FHIT: variants seen among roughly 807,000 people sequenced by gnomAD.
FHIT encodes bis(5'-adenosyl)-triphosphatase.
Under a neutral mutation model 17.9 loss-of-function variants are expected in FHIT, and 19 were observed. That is an observed-to-expected ratio of 1.06 (90% CI 0.74 to 1.56). The LOEUF (loss-of-function observed/expected upper bound fraction) is 1.56, where lower values mean the gene tolerates loss of function less well. Ranked by LOEUF, FHIT falls within the 40% of genes most tolerant of loss-of-function variation. The pLI is 0.00. For missense variants in FHIT, 248 were observed against 189.2 expected, an observed-to-expected ratio of 1.31 and a Z score of -1.82; for synonymous variants, 81 against 69.7, an observed-to-expected ratio of 1.16 and a Z score of -0.81.
chr3:60,642,450 C>T (rs1365437862), intron 4 of FHIT, among the ~76,000 whole-genome samples: 1 of 152,128 alleles, frequency 6.6e-6, no homozygotes, highest in Non-Finnish European at 1.5e-5. Context: ...GGCCCAAAGA[C>T]AATGAATGAT....
At chr3:60,214,059 G>A (rs985806098) in intron 5 of FHIT, among the ~76,000 whole-genome samples, 6 of 152,114 alleles carry the variant, frequency 3.9e-5, no homozygotes, top group East Asian at 3.9e-4. Flanking sequence ...GAGGGTGGTC[G>A]TGACTAGCGC....
chr3:60,681,973 ATT>A (rs34153115), intron 4 of FHIT, among the ~76,000 whole-genome samples: 7 of 145,120 alleles, frequency 4.8e-5, no homozygotes, highest in East Asian at 2.0e-4. Context: ...TAAACAGCAG[ATT>A]TTTTTTTTTT....
intron 3 of FHIT, among the ~76,000 whole-genome samples, chr3:60,914,270 A>C (rs2107284304): frequency 6.6e-6 from 1 of 152,328 alleles, no homozygotes; most frequent in Admixed American, 6.5e-5. Context: ...CAATTGGTAA[A>C]ATAAGGAATA....
intron 5 of FHIT, chr3:60,536,137 A>G (rs1354204159): frequency 6.6e-6 from 1 of 152,162 alleles, no homozygotes; most frequent in African/African-American, 2.4e-5. Context: ...ACTTTTAACA[A>G]CATAAAGATA....
intron 8 of FHIT, among the ~76,000 whole-genome samples, chr3:59,752,710 G>GTTTA (rs1700986082): frequency 1.3e-5 from 2 of 152,120 alleles, no homozygotes; most frequent in African/African-American, 4.8e-5. Flanking sequence ...GGACCTTATT[G>GTTTA]TTTAAAAGTG....
At chr3:61,235,625 C>A (rs1365331326) in intron 1 of FHIT, among the ~76,000 whole-genome samples, 1 of 151,996 alleles carries the variant, frequency 6.6e-6, no homozygotes, top group African/African-American at 2.4e-5. Context: ...TCGCTTGAAC[C>A]CAGGAGGCGG....
chr3:60,666,183 C>A (rs536868325), intron 4 of FHIT, among the ~76,000 whole-genome samples: 10 of 152,248 alleles, frequency 6.6e-5, no homozygotes, highest in South Asian at 4.2e-4. Flanking sequence ...AAATGTCTTT[C>A]CAATGTTCTT....
chr3:59,764,947 G>C (rs555555139), intron 8 of FHIT, among the ~76,000 whole-genome samples: 1 of 148,986 alleles, frequency 6.7e-6, no homozygotes, highest in South Asian at 2.1e-4. Flanking sequence ...AAATTAAAAT[G>C]CAATGCCAGG....
At chr3:60,170,177 G>C (rs1701354360) in intron 5 of FHIT, among the ~76,000 whole-genome samples, 1 of 152,176 alleles carries the variant, frequency 6.6e-6, no homozygotes, top group Admixed American at 6.5e-5. Flanking sequence ...GAAGAGAGTG[G>C]CTTTCTTGAC....
At chr3:61,209,819 G>T (rs2039395484) in intron 1 of FHIT, among the ~76,000 whole-genome samples, 1 of 152,170 alleles carries the variant, frequency 6.6e-6, no homozygotes, top group Non-Finnish European at 1.5e-5. Context: ...ACTCATCAAA[G>T]TCATTCTCCA....
chr3:60,762,795 C>G lies in FHIT; in HGVS notation c.-18+59124G>C, dbSNP rs534379285. Among the ~76,000 whole-genome samples, 3 of 152,240 alleles carry G rather than the reference C, an allele frequency of 2.0e-5. No homozygotes were observed. The East Asian group carries it at 5.8e-4, about 29-fold the overall frequency. ...GTTGACAGTCTTAGAAAAAGAGTAG[C>G]ATCCCCCAGGGAAGAGGGAATTTTG... On this transcript the variant is annotated intron_variant, in intron 4 of 9. Transcript: ENST00000492590.
intron 8 of FHIT, among the ~76,000 whole-genome samples, chr3:59,866,066 T>C (rs1365923036): frequency 6.6e-6 from 1 of 152,164 alleles, no homozygotes; most frequent in Non-Finnish European, 1.5e-5. Flanking sequence ...AATAAACCCC[T>C]GAATAAATGA....
intron 8 of FHIT, among the ~76,000 whole-genome samples, chr3:59,915,315 T>C (rs1224632174): frequency 2.6e-5 from 4 of 152,226 alleles, no homozygotes; most frequent in Admixed American, 6.5e-5. Context: ...GGATTTACTA[T>C]GGATGCTATG....
At chr3:60,391,215 A>ACAAACAAG (rs1553761566) in intron 5 of FHIT, among the ~76,000 whole-genome samples, 3 of 151,838 alleles carry the variant, frequency 2.0e-5, no homozygotes, top group South Asian at 2.1e-4. Flanking sequence ...AAACAAACAA[A>ACAAACAAG]CAAACAAAAA....
At chr3:60,300,459 T>C (rs556193588) in intron 5 of FHIT, among the ~76,000 whole-genome samples, 6 of 152,238 alleles carry the variant, frequency 3.9e-5, no homozygotes, top group African/African-American at 1.4e-4. Flanking sequence ...GGTCAGCTAC[T>C]AGCCTTGCAT....
At chr3:60,694,710 T>C (rs1438927585) in intron 4 of FHIT, among the ~76,000 whole-genome samples, 4 of 152,136 alleles carry the variant, frequency 2.6e-5, no homozygotes, top group African/African-American at 7.2e-5. Context: ...ATGGCACATA[T>C]ACACAATGGA....
At chr3:60,410,959 T>C (rs1227971594) in intron 5 of FHIT, among the ~76,000 whole-genome samples, 4 of 152,184 alleles carry the variant, frequency 2.6e-5, no homozygotes, top group Non-Finnish European at 5.9e-5. Flanking sequence ...TCTTGACCAT[T>C]AATTCTTGAG....
At chr3:60,391,932 T>TC (rs1350956477) in intron 5 of FHIT, among the ~76,000 whole-genome samples, 2 of 151,846 alleles carry the variant, frequency 1.3e-5, no homozygotes, top group African/African-American at 4.8e-5. Context: ...GTTTCTTTCT[T>TC]CTTTTTTTCT....
At chr3:60,744,270 A>AAAAAAAAAAAAAAAAAAAAAAC (rs1577150242) in intron 4 of FHIT, among the ~76,000 whole-genome samples, 3 of 22,514 alleles carry the variant, frequency 1.3e-4, no homozygotes, top group African/African-American at 2.0e-4. Context: ...AAACAAAACA[A>AAAAAAAAAAAAAAAAAAAAAAC]AAAAAAAAAA....
Sources: allele counts gnomAD v4.1 joint callset (sites outside exome capture counted in the v4.1 genomes callset), GRCh38; gene constraint gnomAD v4.1.1; transcripts MANE v1.5; gene names NCBI Gene and HGNC (gene_info 2026-07-23, HGNC 2026-07-21).